The following GRIP1 variants were observed in gnomAD, a reference collection of about 807,000 sequenced individuals.
GRIP1 encodes glutamate receptor-interacting protein 1.
A neutral mutation model predicts 129.9 loss-of-function variants in GRIP1; 45 were observed. That is an observed-to-expected ratio of 0.35 (90% CI 0.27 to 0.44). The LOEUF is 0.44. Among genes scored for constraint, GRIP1 ranks in the 20% least tolerant of loss-of-function variants. GRIP1 has a pLI of 1.00. For missense variants in GRIP1, 1,196 were observed against 1,396.8 expected (o/e 0.86, Z 2.29); for synonymous variants, 530 against 520.8 (o/e 1.02, Z -0.24).
At chr12:67,037,722 T>G (rs1780207621) in intron 1 of GRIP1, among the ~76,000 whole-genome samples, 1 of 152,200 alleles carries the variant, frequency 6.6e-6, no homozygotes, top group African/African-American at 2.4e-5. Context: ...CCATTTGTCA[T>G]GGGTTATAAC....
Position 66,545,926 on chromosome 12 carries a change from T to A in GRIP1, c.137-3976A>T, listed in dbSNP as rs139658113. On this transcript the variant is annotated intron_variant, in intron 2 of 24. Transcript: ENST00000359742. Reference sequence around the variant, plus strand: ...TTACATTGTGAAAACTAAAAAATGCTGTTGAAAGAAATTAAAGAAGGCCTA... The same window carrying A: ...TTACATTGTGAAAACTAAAAAATGCAGTTGAAAGAAATTAAAGAAGGCCTA... Among the ~76,000 whole-genome samples, 1,068 of 152,258 alleles carry A rather than the reference T, an allele frequency of 7.0e-3. 8 individuals are homozygous for A. Among genetic ancestry groups the A allele is most frequent in the Non-Finnish European group, 0.012 (807 of 68,010 alleles).
At chr12:66,397,719 G>T (rs1026142562) in intron 16 of GRIP1, among the ~76,000 whole-genome samples, 5 of 152,124 alleles carry the variant, frequency 3.3e-5, no homozygotes, top group Non-Finnish European at 7.3e-5. Context: ...ATGGGATGAT[G>T]CCTGGAATTT....
intron 2 of GRIP1, among the ~76,000 whole-genome samples, chr12:66,592,002 T>A (rs2063864773): frequency 6.6e-6 from 1 of 152,122 alleles, no homozygotes; most frequent in African/African-American, 2.4e-5. Flanking sequence ...ACCTGAACAG[T>A]GGTATAGCTG....
At chr12:67,002,989 T>C (rs1269013102) in intron 1 of GRIP1, among the ~76,000 whole-genome samples, 1 of 152,116 alleles carries the variant, frequency 6.6e-6, no homozygotes, top group African/African-American at 2.4e-5. Flanking sequence ...CCTGGCTGAG[T>C]AACTGCAGGC....
chr12:66,631,332 GTTAT>G (rs1565925061), intron 1 of GRIP1, among the ~76,000 whole-genome samples: 3 of 152,106 alleles, frequency 2.0e-5, no homozygotes, highest in Admixed American at 2.0e-4. Flanking sequence ...TGAAGCTGGC[GTTAT>G]TTCTTATTGA....
Position 66,879,718 on chromosome 12 carries a change from A to T in GRIP1, c.58+189332T>A, listed in dbSNP as rs138943160. Among the ~76,000 whole-genome samples the T allele has an allele frequency of 4.4e-3, 673 of 152,226 alleles. 2 individuals carry two copies. The highest frequency in any genetic ancestry group is 0.014 in the African/African-American group (588 of 41,546). ...TATAAGATTCATTCATTCACTCCTTATTTTTTCACGGCTCAACTTGCAGTG... is the reference window on the plus strand; with the variant it reads ...TATAAGATTCATTCATTCACTCCTTTTTTTTTCACGGCTCAACTTGCAGTG... On this transcript the variant is annotated intron_variant, in intron 1 of 1. Coordinates refer to the GRIP1 transcript ENST00000643019.
intron 13 of GRIP1, among the ~76,000 whole-genome samples, chr12:66,436,143 G>C (rs1041491426): frequency 6.6e-6 from 1 of 152,154 alleles, no homozygotes; most frequent in Admixed American, 6.5e-5. Flanking sequence ...CTTTGTTAAT[G>C]CTATAATTAA....
intron 1 of GRIP1, among the ~76,000 whole-genome samples, chr12:66,834,540 ATAGT>A (rs1293800463): frequency 1.3e-5 from 2 of 152,210 alleles, no homozygotes; most frequent in African/African-American, 4.8e-5. Context: ...TTTTACTTAA[ATAGT>A]TAATTAATCA....
intron 7 of GRIP1, among the ~76,000 whole-genome samples, chr12:66,475,737 A>G (rs551434677): frequency 3.2e-4 from 48 of 152,356 alleles, no homozygotes; most frequent in African/African-American, 1.1e-3. Context: ...TACTGGGTAC[A>G]TAATGAAATG....
At chr12:66,782,032 T>A (rs2038177489) in intron 1 of GRIP1, among the ~76,000 whole-genome samples, 1 of 152,152 alleles carries the variant, frequency 6.6e-6, no homozygotes, top group Admixed American at 6.5e-5. Flanking sequence ...AGGATGGTGG[T>A]TAACCTTGGA....
At chr12:66,793,685 C>T (rs2038612555) in intron 1 of GRIP1, among the ~76,000 whole-genome samples, 2 of 152,096 alleles carry the variant, frequency 1.3e-5, no homozygotes, top group Admixed American at 1.3e-4. Context: ...TGGAGGCTGC[C>T]ATCATGAAGG....
chr12:66,850,742 A>G (rs529473297), intron 1 of GRIP1, among the ~76,000 whole-genome samples: 1 of 151,918 alleles, frequency 6.6e-6, no homozygotes, highest in Admixed American at 6.6e-5. Flanking sequence ...AAGTAAATAT[A>G]TTTATTTACT....
At chr12:66,363,767 T>C (rs970498811) in intron 23 of GRIP1, among the ~76,000 whole-genome samples, 1 of 152,004 alleles carries the variant, frequency 6.6e-6, no homozygotes, top group Admixed American at 6.6e-5. Flanking sequence ...CTTGCTTATG[T>C]GTGGAATCTG....
chr12:66,873,816 C>A (rs905657516), intron 1 of GRIP1, among the ~76,000 whole-genome samples: 1 of 151,912 alleles, frequency 6.6e-6, no homozygotes, highest in Non-Finnish European at 1.5e-5. Flanking sequence ...TCATGTATTT[C>A]CTATAGTTTT....
intron 1 of GRIP1, among the ~76,000 whole-genome samples, chr12:66,608,580 C>A (rs556587307): frequency 5.9e-5 from 9 of 152,262 alleles, no homozygotes; most frequent in South Asian, 2.1e-4. Flanking sequence ...GATCAGCCAG[C>A]CTCAACCTCC....
chr12:66,773,461 A>G (rs774957878), intron 1 of GRIP1, among the ~76,000 whole-genome samples: 3 of 152,224 alleles, frequency 2.0e-5, no homozygotes, highest in Non-Finnish European at 4.4e-5. Flanking sequence ...ACAGGAACAG[A>G]AAACCAAACA....
At chr12:66,673,895 T>A (rs2034202678) in intron 1 of GRIP1, among the ~76,000 whole-genome samples, 3 of 152,156 alleles carry the variant, frequency 2.0e-5, no homozygotes, top group Non-Finnish European at 4.4e-5. Context: ...TTGTGAAATA[T>A]CTATTAAGTG....
At chr12:66,358,279 T>C (rs2054588062) in intron 23 of GRIP1, among the ~76,000 whole-genome samples, 1 of 152,184 alleles carries the variant, frequency 6.6e-6, no homozygotes. Flanking sequence ...GTCTTTCCTG[T>C]GGACTCCTGT....
Position 66,884,797 on chromosome 12 carries a change from A to G in GRIP1, c.58+184253T>C, listed in dbSNP as rs187735836. Among the ~76,000 whole-genome samples the G allele has an allele frequency of 8.2e-3, 1,253 of 152,286 alleles. 19 individuals carry two copies. The highest frequency in any genetic ancestry group is 0.029 in the African/African-American group (1,187 of 41,556). ...AATATGACTTACACAGGTGTAGAAG[A>G]ATATTTTGAAATGCCATCTAAAATA... On this transcript the variant is annotated intron_variant, in intron 1 of 1. Coordinates refer to the GRIP1 transcript ENST00000643019.
Sources: allele counts gnomAD v4.1 joint callset (sites outside exome capture counted in the v4.1 genomes callset), GRCh38; gene constraint gnomAD v4.1.1; transcripts MANE v1.5; gene names NCBI Gene and HGNC (gene_info 2026-07-23, HGNC 2026-07-21).